The following HOMER1 variants were observed in gnomAD, a reference collection of about 807,000 sequenced individuals.
HOMER1 encodes homer scaffold protein 1, also known as homer protein homolog 1.
HOMER1 carries 3 observed loss-of-function variants against 48.9 expected under a neutral mutation model. The ratio of observed to expected loss-of-function variants is 0.06; its 90% CI spans 0.03 to 0.16. The LOEUF is 0.16. HOMER1 is among the 10% of genes least tolerant of loss of function. The pLI is 1.00. For missense variants in HOMER1, 247 were observed against 411.4 expected (o/e 0.60, Z 3.46); for synonymous variants, 134 against 146.4 (o/e 0.92, Z 0.61).
intron 5 of HOMER1, among the ~76,000 whole-genome samples, chr5:79,419,851 T>C (rs187272919): frequency 1.3e-5 from 2 of 149,430 alleles, no homozygotes; most frequent in Admixed American, 6.8e-5. Flanking sequence ...AAATGACTTC[T>C]GGATTTTAAC....
Position 79,415,325 on chromosome 5 carries a change from G to T in HOMER1, c.528-13270C>A, listed in dbSNP as rs567910997. On this transcript the variant is annotated intron_variant, in intron 5 of 8. Transcript: ENST00000334082. Reference sequence around the variant, plus strand: ...TCCACCTGCCTCAGCCTCCCAAAGGGTTGGCATTACTGTGCCTGGCCGAGA... The same window carrying T: ...TCCACCTGCCTCAGCCTCCCAAAGGTTTGGCATTACTGTGCCTGGCCGAGA... Among the ~76,000 whole-genome samples, 6 of 152,072 alleles carry T rather than the reference G, an allele frequency of 3.9e-5. No homozygotes were observed. The East Asian group carries it at 9.7e-4, about 25-fold the overall frequency.
chr5:79,396,494 T>G (rs1171390722), intron 8 of HOMER1, among the ~76,000 whole-genome samples: 1 of 151,938 alleles, frequency 6.6e-6, no homozygotes, highest in Admixed American at 6.6e-5. Context: ...GTGATCCTCC[T>G]CCTCAGCATC....
intron 4 of HOMER1, among the ~76,000 whole-genome samples, chr5:79,440,759 C>T (rs1211508493): frequency 2.6e-5 from 4 of 152,164 alleles, no homozygotes; most frequent in African/African-American, 9.6e-5. Context: ...ACAAATCAGG[C>T]TTATTTCTCT....
intron 5 of HOMER1, among the ~76,000 whole-genome samples, chr5:79,437,386 AT>A (rs1490366470): frequency 6.6e-6 from 1 of 152,186 alleles, no homozygotes; most frequent in Admixed American, 6.5e-5. Flanking sequence ...ATAGTAAAAT[AT>A]TTTTTAAAAT....
intron 1 of HOMER1, among the ~76,000 whole-genome samples, chr5:79,462,179 G>A (rs150086115): frequency 0.011 from 1,625 of 152,250 alleles, 31 homozygotes; most frequent in African/African-American, 0.038. Flanking sequence ...CAGCCTGGGC[G>A]ACAGAGCGAG....
chr5:79,419,830 CA>C (rs1750047084), intron 5 of HOMER1, among the ~76,000 whole-genome samples: 2 of 152,038 alleles, frequency 1.3e-5, no homozygotes, highest in South Asian at 4.1e-4. Context: ...AGGATCTTAA[CA>C]AACAGTGCTA....
At chr5:79,499,457 T>C (rs181301974) in intron 1 of HOMER1, among the ~76,000 whole-genome samples, 112 of 152,296 alleles carry the variant, frequency 7.4e-4, no homozygotes, top group African/African-American at 2.6e-3. Flanking sequence ...ACAATAATGT[T>C]TTATAATTGA....
intron 5 of HOMER1, among the ~76,000 whole-genome samples, chr5:79,424,463 CA>C (rs1365623062): frequency 6.6e-6 from 1 of 151,938 alleles, no homozygotes; most frequent in Non-Finnish European, 1.5e-5. Flanking sequence ...CATTATCTTC[CA>C]TTTAAAAATG....
chr5:79,427,720 T>C (rs1335753045), intron 5 of HOMER1, among the ~76,000 whole-genome samples: 2 of 122,036 alleles, frequency 1.6e-5, no homozygotes, highest in Non-Finnish European at 3.3e-5. Flanking sequence ...TTCCTTCCCT[T>C]CCTTCCTTCC....
chr5:79,423,438 G>A (rs1750158574), intron 5 of HOMER1, among the ~76,000 whole-genome samples: 1 of 152,154 alleles, frequency 6.6e-6, no homozygotes, highest in Non-Finnish European at 1.5e-5. Flanking sequence ...TTGTTGAAAA[G>A]TTGTAACTGA....
intron 5 of HOMER1, among the ~76,000 whole-genome samples, chr5:79,418,184 AAAGGT>A (rs1211601431): frequency 6.6e-6 from 1 of 152,244 alleles, no homozygotes; most frequent in Non-Finnish European, 1.5e-5. Context: ...AATAATATGC[AAAGGT>A]AAGGGCCCTG....
chr5:79,507,787 A>T (rs1023472343), intron 1 of HOMER1, among the ~76,000 whole-genome samples: 6 of 152,122 alleles, frequency 3.9e-5, no homozygotes, highest in Non-Finnish European at 7.4e-5. Flanking sequence ...TGAGATGTTT[A>T]ATCACTCAAA....
chr5:79,415,568 TAA>T (rs1439396726), intron 5 of HOMER1, among the ~76,000 whole-genome samples: 1 of 152,164 alleles, frequency 6.6e-6, no homozygotes, highest in South Asian at 2.1e-4. Flanking sequence ...CACGTAAACC[TAA>T]AAGAGTTGTC....
intron 2 of HOMER1, among the ~76,000 whole-genome samples, chr5:79,453,251 C>T (rs530358852): frequency 1.3e-5 from 2 of 152,118 alleles, no homozygotes; most frequent in Non-Finnish European, 2.9e-5. Context: ...CACATCTGAA[C>T]TGGGATCTCT....
intron 2 of HOMER1, among the ~76,000 whole-genome samples, 176 bp from the exon 3 acceptor site, chr5:79,451,297 A>AC (rs1751021562): frequency 6.6e-6 from 1 of 152,202 alleles, no homozygotes; most frequent in Admixed American, 6.5e-5. Context: ...GAAATATGTT[A>AC]ACTAAAATAT....
intron 1 of HOMER1, among the ~76,000 whole-genome samples, chr5:79,491,474 A>G (rs2112358819): frequency 6.6e-6 from 1 of 151,968 alleles, no homozygotes; most frequent in South Asian, 2.1e-4. Context: ...GAGTTAAAAA[A>G]TACAATTCAG....
At chr5:79,453,270 T>G (rs915353352) in intron 2 of HOMER1, among the ~76,000 whole-genome samples, 1 of 152,188 alleles carries the variant, frequency 6.6e-6, no homozygotes, top group African/African-American at 2.4e-5. Context: ...CTGTGTTTTC[T>G]GACAAGGGCA....
intron 1 of HOMER1, among the ~76,000 whole-genome samples, chr5:79,489,598 G>A (rs1752212442): frequency 6.6e-6 from 1 of 151,522 alleles, no homozygotes; most frequent in Non-Finnish European, 1.5e-5. Flanking sequence ...AATAACACAG[G>A]CACCAATTTA....
chr5:79,415,716 C>T (rs531247310), intron 5 of HOMER1, among the ~76,000 whole-genome samples: 1 of 152,274 alleles, frequency 6.6e-6, no homozygotes, highest in East Asian at 1.9e-4. Context: ...AAACAAATTA[C>T]TTCAAAATGT....
Sources: gnomAD v4.1 joint callset for allele counts (sites outside exome capture counted in the v4.1 genomes callset) on GRCh38, gnomAD v4.1.1 for gene constraint, MANE v1.5 for transcripts, NCBI Gene and HGNC (gene_info 2026-07-23, HGNC 2026-07-21) for gene names.